DUSP10: variants seen among roughly 807,000 people sequenced by gnomAD.
The protein encoded by DUSP10 is dual specificity protein phosphatase 10.
In DUSP10, 14 loss-of-function variants were observed where a neutral mutation model predicts 30.8. That is an observed-to-expected ratio of 0.46 (90% CI 0.30 to 0.71). The LOEUF (loss-of-function observed/expected upper bound fraction) is 0.71, where lower values mean the gene tolerates loss of function less well. Ranked by LOEUF, DUSP10 falls within the 30% of genes least tolerant of loss-of-function variation. DUSP10 has a pLI of 0.08. For missense variants in DUSP10, 550 were observed against 619.4 expected (o/e 0.89, Z 1.19); for synonymous variants, 254 against 250.4 (o/e 1.01, Z -0.14).
intron 2 of DUSP10, among the ~76,000 whole-genome samples, chr1:221,725,047 T>G (rs1271165462): frequency 6.6e-6 from 1 of 152,056 alleles, no homozygotes. Context: ...CAGAATGGCT[T>G]AAGGAGTAGG....
chr1:221,737,426 A>C lies in DUSP10; in HGVS notation c.811+1508T>G, dbSNP rs564518933. On this transcript the variant is annotated intron_variant, in intron 2 of 3. Transcript: ENST00000366899. ...TTATGGTAAGACAATAGCAGGGTAA[A>C]TATCCTGGGAATCACTCAAAGTCAA... The C allele has an allele frequency of 1.5e-5, 15 of 985,344 alleles. No individual in the cohort carries two copies. The East Asian group carries it at 1.0e-3, about 67-fold the overall frequency. The allele number at this position is 985,344 out of a possible 1,614,324, so 61.0% of individuals were successfully genotyped here. A position where few individuals can be genotyped will look rare whatever the true frequency, so the allele number is the denominator to read the frequency against.
At chr1:221,705,762 T>C (rs944744803) in intron 3 of DUSP10, among the ~76,000 whole-genome samples, 1 of 152,228 alleles carries the variant, frequency 6.6e-6, no homozygotes, top group African/African-American at 2.4e-5. Context: ...GACCTCCGAT[T>C]CCTTACTTTC....
intron 2 of DUSP10, among the ~76,000 whole-genome samples, chr1:221,729,760 A>G (rs1156543315): frequency 2.0e-5 from 3 of 152,246 alleles, no homozygotes. Flanking sequence ...TTCTGCTGGC[A>G]GATTAAAATA....
Position 221,739,499 on chromosome 1 carries a change from A to T in DUSP10, c.246T>A (p.Thr82=), listed in dbSNP as rs1477391886. The stretch of plus-strand genomic sequence containing the variant: ...GATTGTCCTTGTCGTAGGTTGCCAC[A>T]GTGCAGCAGCTGGCACTGCTGCATC... ...NCGCSSASCC[T]VATYDKDNQA... Residue 82 remains threonine (T), a synonymous_variant, in exon 2 of 4, where the codon ACT becomes ACA. Transcript: ENST00000366899. The T allele has an allele frequency of 6.2e-7, 1 of 1,614,218 alleles. No homozygotes were observed. Among genetic ancestry groups the T allele is most frequent in the Non-Finnish European group, 8.5e-7 (1 of 1,180,034 alleles).
intron 2 of DUSP10, among the ~76,000 whole-genome samples, chr1:221,719,390 A>G (rs1160243254): frequency 6.6e-6 from 1 of 152,174 alleles, no homozygotes; most frequent in African/African-American, 2.4e-5. Flanking sequence ...ACACCGTACC[A>G]TGAGGGCTGA....
At chr1:221,708,882 A>G (rs890005316) in intron 2 of DUSP10, among the ~76,000 whole-genome samples, 1 of 152,110 alleles carries the variant, frequency 6.6e-6, no homozygotes, top group Non-Finnish European at 1.5e-5. Context: ...ATTTTTCCAT[A>G]TAAGATGAGA....
At chr1:221,730,381 T>A (rs1390629263) in intron 2 of DUSP10, among the ~76,000 whole-genome samples, 1 of 152,176 alleles carries the variant, frequency 6.6e-6, no homozygotes, top group Non-Finnish European at 1.5e-5. Flanking sequence ...GGCAGTTTAA[T>A]CTGTTTACTT....
chr1:221,703,700 C>G (rs902860336), intron 3 of DUSP10, among the ~76,000 whole-genome samples: 2 of 152,172 alleles, frequency 1.3e-5, no homozygotes, highest in Admixed American at 1.3e-4. Flanking sequence ...CATGTGGGCA[C>G]TACCTGAACA....
chr1:221,705,750 C>G (rs576986715), intron 3 of DUSP10, among the ~76,000 whole-genome samples: 43 of 152,228 alleles, frequency 2.8e-4, no homozygotes, highest in Non-Finnish European at 5.9e-4. Flanking sequence ...AGCACCAGCT[C>G]TGACCTCCGA....
At chr1:221,733,323 C>T (rs765573737) in intron 2 of DUSP10, among the ~76,000 whole-genome samples, 2 of 152,336 alleles carry the variant, frequency 1.3e-5, no homozygotes, top group Admixed American at 1.3e-4. Flanking sequence ...CCTATACACA[C>T]GTGCTTTGAA....
At position 221,708,104 on chromosome 1, in the gene DUSP10, G is replaced by C. The variant is rs577216675; in HGVS notation, c.812-1638C>G. ...CACTCTGGCTTTCCCTTTGAAAAGAGGGGGAAGTGGAAAAGTCCTATTAGC... is the reference window on the plus strand; with the variant it reads ...CACTCTGGCTTTCCCTTTGAAAAGACGGGGAAGTGGAAAAGTCCTATTAGC... On this transcript the variant is annotated intron_variant, in intron 2 of 3. Coordinates refer to ENST00000366899, the MANE Select transcript of DUSP10 (RefSeq NM_007207.6). Among the ~76,000 whole-genome samples, 8 of 152,340 alleles carry C rather than the reference G, an allele frequency of 5.3e-5. No homozygotes were observed. The East Asian group carries it at 1.3e-3, about 26-fold the overall frequency.
At chr1:221,717,611 A>ATTC in intron 2 of DUSP10, among the ~76,000 whole-genome samples, 1 of 152,162 alleles carries the variant, frequency 6.6e-6, no homozygotes, top group South Asian at 2.1e-4. Flanking sequence ...CCATATTCAA[A>ATTC]CACACACACA....
Position 221,739,694 on chromosome 1 carries a change from G to A in DUSP10, c.51C>T (p.Pro17=), listed in dbSNP as rs748390873. Residue 17 remains proline, a synonymous_variant, in exon 2 of 4, where the codon CCC becomes CCT. Transcript: ENST00000366899. ...AAAGGTTGAGATCCTGAGGTCGGAC[G>A]GGCCTAGATAGTGCCACTACTACCC... The part of the protein sequence containing the change: ...DDRVVVALSR[P]VRPQDLNLCL... The A allele has an allele frequency of 9.3e-6, 15 of 1,613,268 alleles. No homozygotes were observed. The Admixed American group carries it at 1.2e-4, about 13-fold the overall frequency.
intron 2 of DUSP10, among the ~76,000 whole-genome samples, chr1:221,735,180 A>G (rs188561205): frequency 2.0e-5 from 3 of 152,330 alleles, no homozygotes; most frequent in Admixed American, 2.0e-4. Flanking sequence ...ACATTCCCCC[A>G]GTAAAGGCCT....
At chr1:221,719,161 G>A (rs1283560094) in intron 2 of DUSP10, among the ~76,000 whole-genome samples, 1 of 152,170 alleles carries the variant, frequency 6.6e-6, no homozygotes. Flanking sequence ...TTCAGGAAGT[G>A]GTAGGGGAAA....
intron 2 of DUSP10, among the ~76,000 whole-genome samples, chr1:221,711,969 G>C (rs1373038969): frequency 6.6e-6 from 1 of 152,120 alleles, no homozygotes; most frequent in Non-Finnish European, 1.5e-5. Context: ...TCAAAGACAG[G>C]GTCAGAGTCA....
At position 221,706,026 on chromosome 1, in the gene DUSP10, T is replaced by G. The variant is rs1338248129; in HGVS notation, c.1183+69A>C. ...CCAACACAGGAATAAACCTTGAACTTGATATCAAAGCAAGAGCTGGAGGGA... is the reference window on the plus strand; with the variant it reads ...CCAACACAGGAATAAACCTTGAACTGGATATCAAAGCAAGAGCTGGAGGGA... On this transcript the variant is annotated intron_variant, in intron 3 of 3. Coordinates refer to ENST00000366899, the MANE Select transcript of DUSP10 (RefSeq NM_007207.6). The surrounding 1 kb of genome is among the most constrained non-coding windows in gnomAD (Gnocchi z 4.6). 14 of 1,548,872 alleles carry G rather than the reference T, an allele frequency of 9.0e-6. No individual in the cohort carries two copies. Among genetic ancestry groups the G allele is most frequent in the Non-Finnish European group, 1.2e-5 (14 of 1,147,820 alleles).
chr1:221,739,824 T>C, intron 1 of DUSP10, 37 bp from the exon 2 acceptor site: 1 of 1,484,486 alleles, frequency 6.7e-7, no homozygotes, highest in Non-Finnish European at 8.9e-7. Flanking sequence ...AAGAATAAAG[T>C]CACGTGACAC....
At chr1:221,719,942 C>T (rs78916050) in intron 2 of DUSP10, among the ~76,000 whole-genome samples, 2,104 of 152,118 alleles carry the variant, frequency 0.014, 35 homozygotes, top group African/African-American at 0.048. Context: ...TGATATGGTA[C>T]GATATGACAT....
Sources: gnomAD v4.1 joint callset for allele counts (sites outside exome capture counted in the v4.1 genomes callset) on GRCh38, gnomAD v4.1.1 for gene constraint, Gnocchi (gnomAD v3.1) non-coding constraint, MANE v1.5 for transcripts, NCBI Gene and HGNC (gene_info 2026-07-23, HGNC 2026-07-21) for gene names.